The following DCDC1 variants were observed in gnomAD, a reference collection of about 807,000 sequenced individuals.
DCDC1 encodes the protein doublecortin domain containing 1, also known as doublecortin domain-containing protein 1.
In DCDC1, 200 loss-of-function variants were observed where a neutral mutation model predicts 178.3. The observed-to-expected ratio is 1.12, with a 90% CI of 1.00 to 1.26. DCDC1 has a LOEUF of 1.26. Among genes scored for constraint, DCDC1 ranks in the 50% most tolerant of loss-of-function variants. The pLI is 0.00. For synonymous variants in DCDC1, 690 were observed against 604.8 expected (o/e 1.14, Z -2.07); for missense variants, 1,983 against 1,749.2 (o/e 1.13, Z -2.38).
At chr11:31,054,229 G>GA (rs1292453213) in intron 20 of DCDC1, among the ~76,000 whole-genome samples, 24 of 115,964 alleles carry the variant, frequency 2.1e-4, no homozygotes, top group Admixed American at 5.5e-4. Flanking sequence ...TACAATAGCT[G>GA]AAAAAAGGAA....
chr11:31,337,548 C>T (rs890016411), intron 1 of DCDC1, among the ~76,000 whole-genome samples: 2 of 152,132 alleles, frequency 1.3e-5, no homozygotes, highest in Non-Finnish European at 2.9e-5. Context: ...ACCTCTAGTC[C>T]TAGCTACTTG....
At chr11:31,217,504 A>G (rs1046741904) in intron 9 of DCDC1, among the ~76,000 whole-genome samples, 1 of 152,170 alleles carries the variant, frequency 6.6e-6, no homozygotes, top group African/African-American at 2.4e-5. Flanking sequence ...TTATCCATCT[A>G]TAAGTTAGAC....
At chr11:30,975,376 T>C (rs906543543) in intron 20 of DCDC1, among the ~76,000 whole-genome samples, 3 of 151,780 alleles carry the variant, frequency 2.0e-5, no homozygotes, top group African/African-American at 7.3e-5. Context: ...GCCAGAGCAA[T>C]CAGGCAAAAG....
intron 9 of DCDC1, among the ~76,000 whole-genome samples, chr11:31,156,221 A>G (rs1965702530): frequency 6.6e-6 from 1 of 152,260 alleles, no homozygotes; most frequent in South Asian, 2.1e-4. Flanking sequence ...TGAAATACAG[A>G]TCTACTAATG....
chr11:31,105,699 G>A (rs186537907), intron 13 of DCDC1, among the ~76,000 whole-genome samples: 7 of 151,902 alleles, frequency 4.6e-5, no homozygotes, highest in African/African-American at 1.7e-4. Flanking sequence ...TATTTCATCT[G>A]GGACAGATGA....
At chr11:30,949,973 T>C (rs1030734037) in intron 21 of DCDC1, among the ~76,000 whole-genome samples, 3 of 152,114 alleles carry the variant, frequency 2.0e-5, no homozygotes, top group African/African-American at 7.2e-5. Flanking sequence ...CTGCACGTTG[T>C]GTACCTGTAC....
intron 21 of DCDC1, among the ~76,000 whole-genome samples, chr11:30,945,429 C>T (rs1352668636): frequency 6.6e-6 from 1 of 151,984 alleles, no homozygotes; most frequent in East Asian, 1.9e-4. Context: ...TGCAGTGGCT[C>T]ATGCCTGCAA....
At chr11:30,922,780 C>G in intron 23 of DCDC1, 142 bp from the exon 24 acceptor site, 1 of 776,384 alleles carries the variant, frequency 1.3e-6, no homozygotes, top group Non-Finnish European at 1.8e-6. Flanking sequence ...GTGTACCACT[C>G]AGTACTTTCA....
At chr11:31,357,174 T>A (rs1951425737) in intron 1 of DCDC1, among the ~76,000 whole-genome samples, 1 of 152,126 alleles carries the variant, frequency 6.6e-6, no homozygotes, top group Admixed American at 6.5e-5. Context: ...TGAACATTGA[T>A]GCTAAAATCC....
At chr11:31,341,514 A>C (rs796215120) in intron 1 of DCDC1, among the ~76,000 whole-genome samples, 6 of 152,278 alleles carry the variant, frequency 3.9e-5, no homozygotes, top group African/African-American at 1.4e-4. Flanking sequence ...AATATCATAC[A>C]GTATACTTAC....
chr11:31,169,095 A>G (rs909366420), intron 9 of DCDC1, among the ~76,000 whole-genome samples: 1 of 152,150 alleles, frequency 6.6e-6, no homozygotes, highest in African/African-American at 2.4e-5. Context: ...GACATGGATG[A>G]AGCTGGAAGC....
At chr11:31,202,972 G>T (rs561908099) in intron 9 of DCDC1, among the ~76,000 whole-genome samples, 3 of 152,284 alleles carry the variant, frequency 2.0e-5, no homozygotes, top group African/African-American at 7.2e-5. Context: ...AAATTCCAAC[G>T]TGCATTAAAA....
Position 31,250,190 on chromosome 11 carries a change from T to C in DCDC1, c.1055-8574A>G, listed in dbSNP as rs953129865. Among the ~76,000 whole-genome samples the C allele has an allele frequency of 2.0e-5, 3 of 151,742 alleles. No homozygotes were observed. In the East Asian group the frequency reaches 5.9e-4, roughly 30 times the overall value. ...GGAGACAAAGTAGGAGAACATGTAA[T>C]GTTTACAAACCTCCTATTTAAGTCC... On this transcript the variant is annotated intron_variant, in intron 8 of 38. Transcript: ENST00000684477.
At chr11:31,168,654 CT>C (rs986205630) in intron 9 of DCDC1, among the ~76,000 whole-genome samples, 25 of 152,270 alleles carry the variant, frequency 1.6e-4, no homozygotes, top group Admixed American at 1.4e-3. Flanking sequence ...GTTAGTTGCG[CT>C]GCTTCTTCAC....
At chr11:31,350,984 T>C (rs1471764075) in intron 1 of DCDC1, among the ~76,000 whole-genome samples, 4 of 152,056 alleles carry the variant, frequency 2.6e-5, no homozygotes. Context: ...GTTTATGTTT[T>C]ATATTTTCAG....
intron 2 of DCDC1, among the ~76,000 whole-genome samples, chr11:31,335,118 C>G (rs1026675287): frequency 6.6e-6 from 1 of 152,186 alleles, no homozygotes; most frequent in East Asian, 1.9e-4. Flanking sequence ...GTGGATACCC[C>G]TCCTCCTGCC....
intron 32 of DCDC1, among the ~76,000 whole-genome samples, 169 bp downstream of exon 32, chr11:30,903,313 C>T (rs1944831773): frequency 6.6e-6 from 1 of 152,096 alleles, no homozygotes; most frequent in Admixed American, 6.6e-5. Context: ...TCTTATAATT[C>T]TGCAAGGTGA....
At chr11:31,197,162 T>A (rs1403014503) in intron 9 of DCDC1, among the ~76,000 whole-genome samples, 2 of 152,064 alleles carry the variant, frequency 1.3e-5, no homozygotes, top group Non-Finnish European at 2.9e-5. Context: ...TAAAGGAAAC[T>A]ATCTTAGTGA....
intron 7 of DCDC1, among the ~76,000 whole-genome samples, chr11:31,270,755 G>T (rs117050120): frequency 2.0e-5 from 3 of 152,042 alleles, no homozygotes; most frequent in African/African-American, 7.2e-5. Flanking sequence ...ACAAACAAGC[G>T]CTGTCCCCAA....
Sources: allele counts gnomAD v4.1 joint callset (sites outside exome capture counted in the v4.1 genomes callset), GRCh38; gene constraint gnomAD v4.1.1; transcripts MANE v1.5; gene names NCBI Gene and HGNC (gene_info 2026-07-23, HGNC 2026-07-21).